ACBD6: variants seen among roughly 807,000 people sequenced by gnomAD.
ACBD6 encodes acyl-CoA binding domain containing 6.
Under a neutral mutation model 37.2 loss-of-function variants are expected in ACBD6, and 28 were observed. The ratio of observed to expected loss-of-function variants is 0.75; its 90% CI spans 0.56 to 1.03. The LOEUF (loss-of-function observed/expected upper bound fraction) is 1.03. ACBD6 is among the 50% of genes least tolerant of loss of function. The pLI is 0.00. For missense variants in ACBD6, 340 were observed against 337.4 expected, an observed-to-expected ratio of 1.01 and a Z score of -0.06; for synonymous variants, 113 against 126.8, an observed-to-expected ratio of 0.89 and a Z score of 0.73.
intron 6 of ACBD6, among the ~76,000 whole-genome samples, chr1:180,334,528 G>A (rs1275181247): frequency 6.6e-6 from 1 of 152,090 alleles, no homozygotes; most frequent in East Asian, 1.9e-4. Context: ...CATCATCAAA[G>A]ATCAAAGGTA....
At chr1:180,434,703 A>T in intron 3 of ACBD6, 1 of 465,500 alleles carries the variant, frequency 2.1e-6, no homozygotes, top group East Asian at 4.2e-5. Context: ...TGTCTTTCCA[A>T]ACCAAACCAA....
chr1:180,407,588 A>G (rs116102054), intron 5 of ACBD6, among the ~76,000 whole-genome samples: 196 of 152,340 alleles, frequency 1.3e-3, no homozygotes, highest in Non-Finnish European at 1.4e-3. Context: ...GGAAGGCCAA[A>G]TGACAACTGC....
intron 3 of ACBD6, among the ~76,000 whole-genome samples, chr1:180,455,413 C>G (rs1649877550): frequency 6.6e-6 from 1 of 152,034 alleles, no homozygotes; most frequent in South Asian, 2.1e-4. Context: ...GAAGAAATAT[C>G]TAATGTTGAT....
At chr1:180,478,081 T>C (rs953053396) in intron 3 of ACBD6, among the ~76,000 whole-genome samples, 4 of 152,168 alleles carry the variant, frequency 2.6e-5, no homozygotes, top group African/African-American at 9.7e-5. Context: ...TGCTTATTTT[T>C]CTTAACTTAC....
At chr1:180,416,723 A>C (rs947557610) in intron 4 of ACBD6, among the ~76,000 whole-genome samples, 2 of 152,128 alleles carry the variant, frequency 1.3e-5, no homozygotes, top group African/African-American at 4.8e-5. Flanking sequence ...ACTCTATGGG[A>C]AAGAGGGAGA....
chr1:180,294,575 CCATTT>C (rs1177991424), intron 7 of ACBD6, among the ~76,000 whole-genome samples: 1 of 151,516 alleles, frequency 6.6e-6, no homozygotes, highest in African/African-American at 2.4e-5. Context: ...ATAAATTTGT[CCATTT>C]CATTTAAGTT....
chr1:180,372,267 T>C (rs1284480091), intron 6 of ACBD6, among the ~76,000 whole-genome samples: 2 of 152,136 alleles, frequency 1.3e-5, no homozygotes, highest in Non-Finnish European at 2.9e-5. Context: ...TACAGAAAAG[T>C]AGACACCTAT....
chr1:180,415,348 G>A (rs1286509584), intron 4 of ACBD6, among the ~76,000 whole-genome samples: 1 of 151,570 alleles, frequency 6.6e-6, no homozygotes, highest in African/African-American at 2.4e-5. Context: ...AGTGAGCCGA[G>A]ATCATACCAC....
At chr1:180,381,510 C>G (rs1210932165) in intron 6 of ACBD6, among the ~76,000 whole-genome samples, 1 of 152,092 alleles carries the variant, frequency 6.6e-6, no homozygotes, top group African/African-American at 2.4e-5. Flanking sequence ...GAAATCATAT[C>G]AAGTATCTTC....
At chr1:180,484,152 G>A (rs1287446925) in intron 3 of ACBD6, among the ~76,000 whole-genome samples, 1 of 152,086 alleles carries the variant, frequency 6.6e-6, no homozygotes, top group East Asian at 1.9e-4. Flanking sequence ...ATGGCTCAGG[G>A]CATTCACACT....
At chr1:180,355,231 A>C (rs1038265956) in intron 6 of ACBD6, among the ~76,000 whole-genome samples, 2 of 152,234 alleles carry the variant, frequency 1.3e-5, no homozygotes, top group Admixed American at 1.3e-4. Flanking sequence ...GTCCAAGGTC[A>C]CATGATTTGT....
At chr1:180,501,938 A>C in intron 1 of ACBD6, 107 bp downstream of exon 1, 2 of 1,108,444 alleles carry the variant, frequency 1.8e-6, no homozygotes, top group Non-Finnish European at 2.7e-6. Flanking sequence ...ATACACATAC[A>C]CAAGCTTCAT....
intron 3 of ACBD6, among the ~76,000 whole-genome samples, chr1:180,479,799 G>T (rs948967491): frequency 2.6e-5 from 4 of 151,944 alleles, no homozygotes; most frequent in African/African-American, 9.7e-5. Flanking sequence ...ACTGGCCTGG[G>T]CAACATGGCG....
intron 7 of ACBD6, among the ~76,000 whole-genome samples, chr1:180,310,671 G>GT (rs1289046041): frequency 1.3e-5 from 2 of 152,092 alleles, no homozygotes; most frequent in Non-Finnish European, 2.9e-5. Flanking sequence ...TTTTTCTCTG[G>GT]TATGTACCTA....
intron 6 of ACBD6, among the ~76,000 whole-genome samples, chr1:180,396,622 T>C (rs1352242666): frequency 2.0e-5 from 3 of 151,994 alleles, no homozygotes; most frequent in Non-Finnish European, 4.4e-5. Flanking sequence ...CACTTTAAAA[T>C]GGGCAAAGAC....
At chr1:180,465,633 C>T (rs572103342) in intron 3 of ACBD6, among the ~76,000 whole-genome samples, 7 of 152,134 alleles carry the variant, frequency 4.6e-5, no homozygotes, top group Non-Finnish European at 1.0e-4. Context: ...AACAGAACTA[C>T]CATTCAACCC....
chr1:180,467,448 C>CAAAAAAAAAAAAAAAA (rs57941230), intron 3 of ACBD6, among the ~76,000 whole-genome samples: 4 of 72,536 alleles, frequency 5.5e-5, no homozygotes, highest in Non-Finnish European at 7.2e-5. Flanking sequence ...TCCATCTCTG[C>CAAAAAAAAAAAAAAAA]AAAAAAAAAA....
At chr1:180,492,616 C>T (rs1219403774) in intron 2 of ACBD6, among the ~76,000 whole-genome samples, 1 of 152,080 alleles carries the variant, frequency 6.6e-6, no homozygotes, top group Non-Finnish European at 1.5e-5. Flanking sequence ...TTTAAAAACA[C>T]AGATACAATG....
chr1:180,435,532 T>C, intron 3 of ACBD6: 3 of 761,590 alleles, frequency 3.9e-6, no homozygotes, highest in Non-Finnish European at 6.4e-6. Context: ...ATTACAGGCA[T>C]GAGCGACCAT....
Sources: allele counts gnomAD v4.1 joint callset (sites outside exome capture counted in the v4.1 genomes callset), GRCh38; gene constraint gnomAD v4.1.1; transcripts MANE v1.5; gene names NCBI Gene and HGNC (gene_info 2026-07-23, HGNC 2026-07-21).